The following OPCML variants were observed in gnomAD, a reference collection of about 807,000 sequenced individuals.
OPCML encodes the protein opioid binding protein/cell adhesion molecule like, also known as opioid-binding protein/cell adhesion molecule.
Under a neutral mutation model 37.8 loss-of-function variants are expected in OPCML, and 13 were observed. The observed-to-expected ratio is 0.34, with a 90% CI of 0.22 to 0.55. The LOEUF is 0.55. OPCML is among the 20% of genes least tolerant of loss of function. OPCML has a pLI of 0.91. For synonymous variants in OPCML, 176 were observed against 168.8 expected, an observed-to-expected ratio of 1.04 and a Z score of -0.33; for missense variants, 341 against 435.6, an observed-to-expected ratio of 0.78 and a Z score of 1.93.
At chr11:133,255,891 C>T (rs58006317) in intron 1 of OPCML, among the ~76,000 whole-genome samples, 11,945 of 152,258 alleles carry the variant, frequency 0.078, 561 homozygotes, top group Admixed American at 0.12. Context: ...TTTTCTTCTA[C>T]AATGATACCA....
Position 133,182,991 on chromosome 11 carries a change from C to T in OPCML, c.62-239981G>A, listed in dbSNP as rs1331837558. On this transcript the variant is annotated intron_variant, in intron 1 of 7. Transcript: ENST00000524381. The stretch of plus-strand genomic sequence containing the variant: ...TCAAGTGTGTCAAGGAAATTGAAAA[C>T]GTGATAATTTTGTTAGCACCACCTC... Among the ~76,000 whole-genome samples the T allele has an allele frequency of 2.0e-5, 3 of 151,886 alleles. No individual in the cohort carries two copies. The East Asian group carries it at 5.8e-4, about 29-fold the overall frequency.
At chr11:132,519,868 G>A (rs2096288490) in intron 4 of OPCML, among the ~76,000 whole-genome samples, 1 of 152,166 alleles carries the variant, frequency 6.6e-6, no homozygotes, top group African/African-American at 2.4e-5. Flanking sequence ...AGAAGTAGTA[G>A]CAAGACTGGA....
intron 1 of OPCML, among the ~76,000 whole-genome samples, chr11:133,267,888 G>A (rs956871808): frequency 1.9e-4 from 29 of 152,098 alleles, no homozygotes; most frequent in Non-Finnish European, 2.9e-5. Context: ...TGCATGGTTG[G>A]GAGGCCTCCC....
At chr11:132,712,783 G>A (rs191066494) in intron 2 of OPCML, among the ~76,000 whole-genome samples, 4 of 152,338 alleles carry the variant, frequency 2.6e-5, no homozygotes, top group Non-Finnish European at 2.9e-5. Context: ...GCAGAGCTCT[G>A]GCACGGGGCA....
chr11:132,736,325 T>C (rs545819373), intron 2 of OPCML, among the ~76,000 whole-genome samples: 24 of 152,292 alleles, frequency 1.6e-4, no homozygotes, highest in African/African-American at 5.5e-4. Flanking sequence ...CTGATGTAAA[T>C]GATGAGATTC....
rs1945632618 is a variant in OPCML at position 132,942,925 on chromosome 11, C to T, written c.146+1G>A. The T allele has an allele frequency of 6.2e-7, 1 of 1,613,882 alleles. No homozygotes were observed. Among genetic ancestry groups the T allele is most frequent in the African/African-American group, 1.3e-5 (1 of 74,914 alleles). On this transcript the variant is annotated splice_donor_variant, in intron 2 of 7. Coordinates refer to ENST00000524381, the MANE Select transcript of OPCML (RefSeq NM_001012393.5). LOFTEE classifies it high-confidence loss of function. ...GCCCCCGCGGAAGGACAGCTCCCTA[C>T]CTGAGGGTGGCGCTCTCCCCCTGCC...
intron 4 of OPCML, among the ~76,000 whole-genome samples, chr11:132,514,702 A>G (rs4534596): frequency 0.21 from 31,689 of 152,050 alleles, 3,379 homozygotes; most frequent in Non-Finnish European, 0.23. Flanking sequence ...CTTCTGGGAC[A>G]GAAAATCCTG....
intron 1 of OPCML, among the ~76,000 whole-genome samples, chr11:133,050,570 G>A (rs995935789): frequency 6.6e-6 from 1 of 152,114 alleles, no homozygotes; most frequent in Non-Finnish European, 1.5e-5. Flanking sequence ...AGCCCAGGGA[G>A]GACTTGCTTT....
chr11:132,570,786 T>G (rs1388223171), intron 3 of OPCML, among the ~76,000 whole-genome samples: 1,283 of 108,230 alleles, frequency 0.012, 49 homozygotes, highest in Non-Finnish European at 0.019. Context: ...TATATATATA[T>G]ATATATATAT....
At chr11:133,096,966 C>T (rs775450288) in intron 1 of OPCML, among the ~76,000 whole-genome samples, 5 of 152,058 alleles carry the variant, frequency 3.3e-5, no homozygotes. Flanking sequence ...TAATGATTGT[C>T]CCTCTTTCAG....
intron 1 of OPCML, among the ~76,000 whole-genome samples, chr11:133,454,446 C>T (rs112688626): frequency 5.3e-4 from 80 of 152,092 alleles, no homozygotes; most frequent in African/African-American, 1.9e-3. Flanking sequence ...TTCCCCCCGT[C>T]CGAAGTGCTT....
intron 3 of OPCML, among the ~76,000 whole-genome samples, chr11:132,631,462 A>G (rs988466756): frequency 2.0e-5 from 3 of 149,150 alleles, no homozygotes. Context: ...GTATATATAT[A>G]TTTCTTTATT....
At chr11:133,244,933 A>G (rs1940866771) in intron 1 of OPCML, among the ~76,000 whole-genome samples, 1 of 152,172 alleles carries the variant, frequency 6.6e-6, no homozygotes, top group Non-Finnish European at 1.5e-5. Flanking sequence ...GAGACATGGT[A>G]CCCTGAGATG....
rs551581429 is a variant in OPCML at position 132,580,828 on chromosome 11, G to A, written c.380-51642C>T. On this transcript the variant is annotated intron_variant, in intron 3 of 7. Coordinates refer to ENST00000524381, the MANE Select transcript of OPCML (RefSeq NM_001012393.5). ...AGAAAATTCATTTAACCAAATCAAT[G>A]TGCACTGGTCTGCAGAAGAATTAAT... 3.9e-5 allele frequency among the ~76,000 whole-genome samples: 6 copies of A among 152,268 alleles called. No individual in the cohort carries two copies. In the East Asian group the frequency reaches 9.7e-4, roughly 24 times the overall value.
At chr11:132,640,418 A>G (rs2135719926) in intron 3 of OPCML, among the ~76,000 whole-genome samples, 1 of 152,278 alleles carries the variant, frequency 6.6e-6, no homozygotes, top group African/African-American at 2.4e-5. Flanking sequence ...CATTGCAGTT[A>G]CCCACGCCTG....
At chr11:133,436,704 G>C (rs974376067) in intron 1 of OPCML, among the ~76,000 whole-genome samples, 1 of 152,192 alleles carries the variant, frequency 6.6e-6, no homozygotes, top group Non-Finnish European at 1.5e-5. Context: ...CTAGCTGTGT[G>C]ACCTTGAATA....
intron 1 of OPCML, among the ~76,000 whole-genome samples, chr11:133,064,144 G>A (rs993617305): frequency 6.6e-6 from 1 of 152,340 alleles, no homozygotes; most frequent in South Asian, 2.1e-4. Context: ...TGATCCAGAG[G>A]AGGCTGAGTG....
At chr11:132,556,566 T>A (rs909607328) in intron 3 of OPCML, among the ~76,000 whole-genome samples, 3 of 152,150 alleles carry the variant, frequency 2.0e-5, no homozygotes, top group African/African-American at 7.2e-5. Context: ...ATCAAGTAGC[T>A]TCTGGCAGCT....
intron 2 of OPCML, among the ~76,000 whole-genome samples, chr11:132,818,660 A>ATATATATATATGTATAT (rs56858242): frequency 8.7e-6 from 1 of 115,558 alleles, no homozygotes; most frequent in Non-Finnish European, 1.7e-5. Context: ...ATATATATAT[A>ATATATATATATGTATAT]GACAGATTAT....
Sources: gnomAD v4.1 joint callset for allele counts (sites outside exome capture counted in the v4.1 genomes callset) on GRCh38, gnomAD v4.1.1 for gene constraint, MANE v1.5 for transcripts, NCBI Gene and HGNC (gene_info 2026-07-23, HGNC 2026-07-21) for gene names.